STK32B: variants seen among roughly 807,000 people sequenced by gnomAD.
The protein encoded by STK32B is serine/threonine kinase 32B.
In STK32B, 43 loss-of-function variants were observed where a neutral mutation model predicts 52.6. The ratio of observed to expected loss-of-function variants is 0.82; its 90% CI spans 0.64 to 1.05. STK32B has a LOEUF of 1.05. STK32B is among the 50% of genes least tolerant of loss of function. The probability of loss-of-function intolerance (pLI) is 0.00; values close to 1 mark genes in which losing one functional copy is unlikely to be tolerated. For missense variants in STK32B, 621 were observed against 534.6 expected (o/e 1.16, Z -1.59); for synonymous variants, 238 against 204.3 (o/e 1.17, Z -1.41).
chr4:5,399,786 G>A lies in STK32B; in HGVS notation c.472+1542G>A, dbSNP rs112201824. Among the ~76,000 whole-genome samples the A allele has an allele frequency of 2.5e-3, 383 of 152,220 alleles. 3 individuals are homozygous for A. Among genetic ancestry groups the A allele is most frequent in the East Asian group, 0.024 (123 of 5,156 alleles). On this transcript the variant is annotated intron_variant, in intron 5 of 11. Coordinates refer to ENST00000282908, the MANE Select transcript of STK32B (RefSeq NM_018401.3). The surrounding 1 kb of genome is among the most constrained non-coding windows in gnomAD (Gnocchi z 5.4). ...GAATGTCTCATCTCGGGTGAGACTC[G>A]AAGGTCAGCCACCCATCACAGTATG...
At chr4:5,318,301 A>C (rs894958818) in intron 3 of STK32B, among the ~76,000 whole-genome samples, 1 of 152,156 alleles carries the variant, frequency 6.6e-6, no homozygotes, top group African/African-American at 2.4e-5. Flanking sequence ...TAAAACAGGC[A>C]GTGAAAGAAG....
rs147458360 is a variant in STK32B at position 5,412,915 on chromosome 4, T to A, written c.473-3930T>A. Reference sequence around the variant, plus strand: ...CTCACTTGGAGTAAAGCCACCATCCTGTCTCAGCCCAGAAGGTCTGACACA... The same window carrying A: ...CTCACTTGGAGTAAAGCCACCATCCAGTCTCAGCCCAGAAGGTCTGACACA... On this transcript the variant is annotated intron_variant, in intron 5 of 11. Coordinates refer to ENST00000282908, the MANE Select transcript of STK32B (RefSeq NM_018401.3). Among the ~76,000 whole-genome samples, 236 of 152,306 alleles carry A rather than the reference T, an allele frequency of 1.5e-3. 1 individual carries two copies. Among genetic ancestry groups the A allele is most frequent in the Non-Finnish European group, 2.8e-3 (189 of 68,032 alleles).
intron 1 of STK32B, among the ~76,000 whole-genome samples, chr4:5,134,160 AG>A (rs1199111815): frequency 6.6e-6 from 1 of 152,232 alleles, no homozygotes; most frequent in African/African-American, 2.4e-5. Flanking sequence ...ATATTGTGGA[AG>A]GGCATCGCAG....
the STK32B span, among the ~76,000 whole-genome samples, chr4:5,045,824 T>C: frequency 6.6e-6 from 1 of 152,178 alleles, no homozygotes; most frequent in African/African-American, 2.4e-5. Flanking sequence ...GATGGGGTTT[T>C]CTAAATATAG....
rs545564027 is a variant in STK32B, at chr4:5,374,860, C to G, written c.435-23347C>G. Among the ~76,000 whole-genome samples, 3 of 152,228 alleles carry G rather than the reference C, an allele frequency of 2.0e-5. No individual in the cohort carries two copies. The South Asian group carries it at 6.2e-4, about 32-fold the overall frequency. On this transcript the variant is annotated intron_variant, in intron 4 of 11. Coordinates refer to ENST00000282908, the MANE Select transcript of STK32B (RefSeq NM_018401.3). ...GAGACCAGAAAAATGCTGTTAAGTGCCAGCTAACACCACTGCCTGCCAAGG... is the reference window on the plus strand; with the variant it reads ...GAGACCAGAAAAATGCTGTTAAGTGGCAGCTAACACCACTGCCTGCCAAGG...
chr4:5,164,728 A>G (rs1718737246), intron 2 of STK32B, among the ~76,000 whole-genome samples: 1 of 152,136 alleles, frequency 6.6e-6, no homozygotes, highest in South Asian at 2.1e-4. Context: ...CGACTTGCCT[A>G]TGGTCACACA....
chr4:5,065,576 G>A (rs1451819276), intron 1 of STK32B, among the ~76,000 whole-genome samples: 1 of 152,142 alleles, frequency 6.6e-6, no homozygotes, highest in Non-Finnish European at 1.5e-5. Context: ...GCAGTGTCTC[G>A]CCTGTGCCTT....
intron 3 of STK32B, among the ~76,000 whole-genome samples, chr4:5,265,484 T>A (rs1727000677): frequency 1.3e-5 from 2 of 152,158 alleles, no homozygotes; most frequent in African/African-American, 4.8e-5. Flanking sequence ...CCACCTCCAG[T>A]TGGAAGCACC....
At chr4:5,136,559 A>G (rs1716090739) in intron 1 of STK32B, among the ~76,000 whole-genome samples, 1 of 152,210 alleles carries the variant, frequency 6.6e-6, no homozygotes, top group Admixed American at 6.5e-5. Context: ...TCAAGGATGC[A>G]GAACTTCCCG....
At chr4:5,249,917 C>G (rs948151583) in intron 3 of STK32B, among the ~76,000 whole-genome samples, 1 of 152,164 alleles carries the variant, frequency 6.6e-6, no homozygotes, top group Non-Finnish European at 1.5e-5. Flanking sequence ...CTCCTCCCAC[C>G]CTCAAGGAGG....
intron 3 of STK32B, among the ~76,000 whole-genome samples, chr4:5,228,178 G>A (rs756804984): frequency 6.6e-6 from 1 of 152,164 alleles, no homozygotes; most frequent in African/African-American, 2.4e-5. Flanking sequence ...GGTCATTGGC[G>A]ATTAGTTGCT....
the STK32B span, among the ~76,000 whole-genome samples, chr4:5,027,579 A>C: frequency 6.6e-6 from 1 of 152,218 alleles, no homozygotes; most frequent in Non-Finnish European, 1.5e-5. Context: ...TATACCACTT[A>C]TTGCACAGTT....
intron 3 of STK32B, among the ~76,000 whole-genome samples, chr4:5,229,144 G>T (rs1315591715): frequency 6.6e-6 from 1 of 151,574 alleles, no homozygotes; most frequent in Non-Finnish European, 1.5e-5. Context: ...TTGACACAGG[G>T]TTGCCAGATA....
chr4:5,401,241 G>A (rs565877292), intron 5 of STK32B, among the ~76,000 whole-genome samples: 7 of 152,210 alleles, frequency 4.6e-5, no homozygotes, highest in East Asian at 3.9e-4. Context: ...AGTCCTAAGG[G>A]CACCCCATTC....
Position 5,175,650 on chromosome 4 carries a change from C to A in STK32B, c.260+7200C>A, listed in dbSNP as rs531500675. ...TGAACCGCAAATGCTGCTGCCTGATCGTTCCTCTGGAAGTTTTGTCTCAGA... is the reference window on the plus strand; with the variant it reads ...TGAACCGCAAATGCTGCTGCCTGATAGTTCCTCTGGAAGTTTTGTCTCAGA... On this transcript the variant is annotated intron_variant, in intron 3 of 11. Transcript: ENST00000282908. Among the ~76,000 whole-genome samples, 11 of 152,194 alleles carry A rather than the reference C, an allele frequency of 7.2e-5. No homozygotes were observed. The South Asian group carries it at 1.4e-3, about 20-fold the overall frequency.
chr4:5,496,775 G>A (rs1038002188), intron 11 of STK32B, among the ~76,000 whole-genome samples: 1 of 150,918 alleles, frequency 6.6e-6, no homozygotes, highest in African/African-American at 2.4e-5. Context: ...TGAAGAGAAT[G>A]TCTTTAACAT....
intron 5 of STK32B, among the ~76,000 whole-genome samples, chr4:5,414,227 T>TA (rs1315465203): frequency 1.3e-5 from 2 of 152,050 alleles, no homozygotes; most frequent in Non-Finnish European, 2.9e-5. Flanking sequence ...TTTTCAGATG[T>TA]AAAAATTCAT....
At chr4:5,221,497 T>G (rs2108796742) in intron 3 of STK32B, among the ~76,000 whole-genome samples, 1 of 152,272 alleles carries the variant, frequency 6.6e-6, no homozygotes. Flanking sequence ...TAATCTGTCT[T>G]TTCAGGGAAG....
intron 4 of STK32B, among the ~76,000 whole-genome samples, chr4:5,365,572 CA>C (rs1376611644): frequency 6.6e-6 from 1 of 152,222 alleles, no homozygotes; most frequent in Non-Finnish European, 1.5e-5. Context: ...CTCTGTTTTA[CA>C]GCAGTGAAAT....
Sources: allele counts gnomAD v4.1 joint callset (sites outside exome capture counted in the v4.1 genomes callset), GRCh38; gene constraint gnomAD v4.1.1; non-coding constraint Gnocchi (gnomAD v3.1); transcripts MANE v1.5; gene names NCBI Gene and HGNC (gene_info 2026-07-23, HGNC 2026-07-21).